GLIS1: variants seen among roughly 807,000 people sequenced by gnomAD.
GLIS1 encodes the protein GLIS family zinc finger 1.
Under a neutral mutation model 63.8 loss-of-function variants are expected in GLIS1, and 24 were observed. That is an observed-to-expected ratio of 0.38 (90% CI 0.27 to 0.53). The LOEUF (loss-of-function observed/expected upper bound fraction) is 0.53. Ranked by LOEUF, GLIS1 falls within the 20% of genes least tolerant of loss-of-function variation. The pLI, the probability that GLIS1 is intolerant of heterozygous loss-of-function variation, is 0.85. For synonymous variants in GLIS1, 450 were observed against 482.5 expected (o/e 0.93, Z 0.88); for missense variants, 1,036 against 1,074.1 (o/e 0.96, Z 0.50).
intron 4 of GLIS1, among the ~76,000 whole-genome samples, chr1:53,587,365 C>G (rs956444540): frequency 6.6e-6 from 1 of 152,198 alleles, no homozygotes; most frequent in African/African-American, 2.4e-5. Flanking sequence ...AACTTGCAAG[C>G]TGACTTTGCC....
chr1:53,738,743 G>A (rs1455405730), intron 1 of GLIS1, among the ~76,000 whole-genome samples: 2 of 152,158 alleles, frequency 1.3e-5, no homozygotes, highest in African/African-American at 4.8e-5. Context: ...CGCAGCGGAG[G>A]AATCGAGCCC....
intron 4 of GLIS1, among the ~76,000 whole-genome samples, chr1:53,549,788 T>C (rs1268166245): frequency 6.6e-6 from 1 of 152,188 alleles, no homozygotes; most frequent in African/African-American, 2.4e-5. Context: ...TGTATGTGTA[T>C]TAAGTATTTT....
chr1:53,690,696 G>A (rs186529660), intron 2 of GLIS1, among the ~76,000 whole-genome samples: 1 of 152,312 alleles, frequency 6.6e-6, no homozygotes, highest in Non-Finnish European at 1.5e-5. Flanking sequence ...ATGAGACTCA[G>A]GAGGCAGGAC....
At chr1:53,520,611 G>A in intron 7 of GLIS1, 23 bp downstream of exon 7, 1 of 1,592,378 alleles carries the variant, frequency 6.3e-7, no homozygotes, top group Non-Finnish European at 8.5e-7. Context: ...TACGCCCCTG[G>A]CCCTGCCTCC....
intron 2 of GLIS1, among the ~76,000 whole-genome samples, chr1:53,725,527 G>C (rs1396754322): frequency 1.3e-5 from 2 of 152,198 alleles, no homozygotes; most frequent in Admixed American, 1.3e-4. Context: ...CAAATGATAA[G>C]GTGCTGATGC....
intron 2 of GLIS1, among the ~76,000 whole-genome samples, chr1:53,614,918 ACT>A (rs944536577): frequency 1.5e-4 from 22 of 151,148 alleles, no homozygotes; most frequent in Non-Finnish European, 2.2e-4. Context: ...ACTCACACAC[ACT>A]CTCACACACA....
intron 2 of GLIS1, among the ~76,000 whole-genome samples, chr1:53,632,446 T>C (rs1164519684): frequency 3.0e-5 from 4 of 133,488 alleles, no homozygotes; most frequent in African/African-American, 5.8e-5. Context: ...AGGGGTGTAA[T>C]GAGTGTGACT....
intron 2 of GLIS1, among the ~76,000 whole-genome samples, chr1:53,727,562 CAT>C (rs1308051357): frequency 1.3e-5 from 2 of 152,242 alleles, no homozygotes; most frequent in African/African-American, 2.4e-5. Flanking sequence ...GGAGGATAAA[CAT>C]GTGACAAAAA....
chr1:53,708,161 T>C (rs1270181788), intron 2 of GLIS1, among the ~76,000 whole-genome samples: 1 of 151,972 alleles, frequency 6.6e-6, no homozygotes, highest in Non-Finnish European at 1.5e-5. Context: ...GGGATGCCTG[T>C]AGTCCCAGCT....
At chr1:53,544,066 G>A (rs904312790) in intron 4 of GLIS1, among the ~76,000 whole-genome samples, 1 of 152,172 alleles carries the variant, frequency 6.6e-6, no homozygotes, top group Non-Finnish European at 1.5e-5. Flanking sequence ...GCAGAGCTGC[G>A]CCACCCGACT....
At position 53,701,535 on chromosome 1, in the gene GLIS1, G is replaced by T. The variant is rs145001162; in HGVS notation, c.259+36271C>A. ...GCCCTATTGTGGCCCCATTTTACAG[G>T]TGCAGAAATTGAGGCATAGGAAGAA... On this transcript the variant is annotated intron_variant, in intron 2 of 10. Coordinates refer to ENST00000628545, the MANE Select transcript of GLIS1 (RefSeq NM_001367484.1). Among the ~76,000 whole-genome samples the T allele has an allele frequency of 1.3e-3, 193 of 152,310 alleles. 1 individual carries two copies. The highest frequency in any genetic ancestry group is 4.4e-3 in the African/African-American group (185 of 41,576).
At chr1:53,711,411 A>C (rs1364251836) in intron 2 of GLIS1, among the ~76,000 whole-genome samples, 1 of 152,156 alleles carries the variant, frequency 6.6e-6, no homozygotes, top group African/African-American at 2.4e-5. Flanking sequence ...CAAAAGAAAA[A>C]AAGAAGGTAA....
intron 2 of GLIS1, among the ~76,000 whole-genome samples, chr1:53,651,518 G>T (rs956606962): frequency 6.6e-6 from 1 of 152,146 alleles, no homozygotes; most frequent in Non-Finnish European, 1.5e-5. Context: ...GTGGGTCTGG[G>T]GGGGCGACTG....
chr1:53,640,382 G>A (rs1294338850), intron 2 of GLIS1, among the ~76,000 whole-genome samples: 1 of 152,214 alleles, frequency 6.6e-6, no homozygotes, highest in African/African-American at 2.4e-5. Context: ...AAGGCTGGGA[G>A]CCAGGTTTAA....
chr1:53,612,972 C>T (rs1179098150), intron 2 of GLIS1, among the ~76,000 whole-genome samples: 3 of 152,116 alleles, frequency 2.0e-5, no homozygotes, highest in African/African-American at 4.8e-5. Context: ...GCACCCACCA[C>T]CACGTGCGGC....
chr1:53,733,988 G>A (rs536277141), intron 2 of GLIS1: 750 of 985,030 alleles, frequency 7.6e-4, no homozygotes, highest in South Asian at 1.6e-3. Flanking sequence ...ATTCAACCAG[G>A]TGGTACCACC....
chr1:53,596,528 C>A (rs578228523), intron 3 of GLIS1, among the ~76,000 whole-genome samples: 2 of 152,318 alleles, frequency 1.3e-5, no homozygotes, highest in Non-Finnish European at 2.9e-5. Context: ...GGATGGCTGC[C>A]AGATCGAGTG....
At chr1:53,642,156 C>T (rs1645793871) in intron 2 of GLIS1, among the ~76,000 whole-genome samples, 1 of 152,256 alleles carries the variant, frequency 6.6e-6, no homozygotes, top group Non-Finnish European at 1.5e-5. Flanking sequence ...ACACACTGCC[C>T]TGTTTCTGTT....
At chr1:53,519,725 G>A (rs776112884) in intron 7 of GLIS1, among the ~76,000 whole-genome samples, 1 of 152,166 alleles carries the variant, frequency 6.6e-6, no homozygotes, top group African/African-American at 2.4e-5. Context: ...GGTTGGAGGG[G>A]CCCGCAGAGT....
Sources: allele counts gnomAD v4.1 joint callset (sites outside exome capture counted in the v4.1 genomes callset), GRCh38; gene constraint gnomAD v4.1.1; transcripts MANE v1.5; gene names NCBI Gene and HGNC (gene_info 2026-07-23, HGNC 2026-07-21).